CLEC16A: variants seen among roughly 807,000 people sequenced by gnomAD.
The protein encoded by CLEC16A is C-type lectin domain containing 16A.
CLEC16A carries 51 observed loss-of-function variants against 109.5 expected under a neutral mutation model. The observed-to-expected ratio is 0.47, with a 90% CI of 0.37 to 0.59. The LOEUF (loss-of-function observed/expected upper bound fraction) is 0.59. Among genes scored for constraint, CLEC16A ranks in the 20% least tolerant of loss-of-function variants. The pLI is 0.00. For synonymous variants in CLEC16A, 673 were observed against 564.2 expected (o/e 1.19, Z -2.73); for missense variants, 1,339 against 1,394.0 (o/e 0.96, Z 0.63).
intron 1 of CLEC16A, 21 bp downstream of exon 1, chr16:10,944,818 G>T (rs1223331183): frequency 4.4e-6 from 7 of 1,580,938 alleles, no homozygotes; most frequent in East Asian, 2.3e-5. Flanking sequence ...GGGGCGTAGC[G>T]GGAGGCCTCG....
At position 10,944,716 on chromosome 16, in the gene CLEC16A, A is replaced by C. The variant is rs375443006; in HGVS notation, c.-2A>C. ...GACGAGAGACGGGTCGGGGCCGCCG[A>C]CATGTTTGGCCGCTCGCGGAGCTGG... On this transcript the variant is annotated 5_prime_UTR_variant, in exon 1 of 24. Coordinates refer to ENST00000409790, the MANE Select transcript of CLEC16A (RefSeq NM_015226.3). The C allele has an allele frequency of 3.6e-5, 58 of 1,605,116 alleles. No homozygotes were observed. The highest frequency in any genetic ancestry group is 8.4e-5 in the Admixed American group (5 of 59,398).
chr16:11,002,091 G>A (rs934391528), intron 10 of CLEC16A, among the ~76,000 whole-genome samples: 1 of 152,214 alleles, frequency 6.6e-6, no homozygotes, highest in African/African-American at 2.4e-5. Context: ...CTGGTACGTG[G>A]TTTTGAATCC....
chr16:11,043,433 A>T (rs1375888473), intron 15 of CLEC16A, among the ~76,000 whole-genome samples: 1 of 152,062 alleles, frequency 6.6e-6, no homozygotes, highest in East Asian at 1.9e-4. Context: ...AAAAGGAGTC[A>T]TGATGGCCAT....
intron 13 of CLEC16A, among the ~76,000 whole-genome samples, chr16:11,037,704 C>T (rs1389675572): frequency 2.6e-5 from 4 of 152,150 alleles, no homozygotes; most frequent in Non-Finnish European, 5.9e-5. Flanking sequence ...GCTATCCTCT[C>T]TGAAGCGGAG....
At position 11,011,206 on chromosome 16, in the gene CLEC16A, G is replaced by T. The variant is rs538504540; in HGVS notation, c.1303+7901G>T. Among the ~76,000 whole-genome samples the T allele has an allele frequency of 9.2e-5, 14 of 152,330 alleles. No homozygotes were observed. The South Asian group carries it at 2.9e-3, about 32-fold the overall frequency. ...CCCCTTAGATTTGACATTTGTTGAT[G>T]ATTCTTGCCTGGTTCAGTCACTATC... is the stretch of plus-strand genomic sequence containing the variant. On this transcript the variant is annotated intron_variant, in intron 11 of 23. Transcript: ENST00000409790.
At chr16:10,991,373 G>A (rs1253162920) in intron 10 of CLEC16A, among the ~76,000 whole-genome samples, 4 of 142,022 alleles carry the variant, frequency 2.8e-5, no homozygotes, top group Non-Finnish European at 4.5e-5. Flanking sequence ...GCAGTGAGCC[G>A]AGATCATGCC....
At position 10,989,857 on chromosome 16, in the gene CLEC16A, C is replaced by A. The variant is rs114929302; in HGVS notation, c.1071+6866C>A. On this transcript the variant is annotated intron_variant, in intron 10 of 23. Transcript: ENST00000409790. ...AGAGCATTAATCGTTGACTTAGCTC[C>A]CCTGGTCGCTGCTGCAGGGCTTTCT... Among the ~76,000 whole-genome samples, 681 of 152,308 alleles carry A rather than the reference C, an allele frequency of 4.5e-3. 5 individuals are homozygous for A. The highest frequency in any genetic ancestry group is 0.031 in the Middle Eastern group (9 of 294).
At chr16:10,964,944 G>C (rs1277393594) in intron 3 of CLEC16A, among the ~76,000 whole-genome samples, 1 of 152,182 alleles carries the variant, frequency 6.6e-6, no homozygotes, top group Non-Finnish European at 1.5e-5. Context: ...TTTCAAGTCT[G>C]TAACACAGTA....
chr16:10,951,616 T>C (rs984869700), intron 1 of CLEC16A, among the ~76,000 whole-genome samples: 1 of 152,202 alleles, frequency 6.6e-6, no homozygotes, highest in African/African-American at 2.4e-5. Context: ...GGGTCGATTG[T>C]TTCTGGGATT....
At position 11,135,907 on chromosome 16, in the gene CLEC16A, C is replaced by T. The variant is rs892056782; in HGVS notation, c.2641+9761C>T. ...GAGCTCTCCAGCCTCATCCTCCAGCCTCCTAGTCAAGCACATCTAGTGCAT... is the reference window on the plus strand; with the variant it reads ...GAGCTCTCCAGCCTCATCCTCCAGCTTCCTAGTCAAGCACATCTAGTGCAT... On this transcript the variant is annotated intron_variant, in intron 22 of 23. Transcript: ENST00000409790. Among the ~76,000 whole-genome samples the T allele has an allele frequency of 2.0e-5, 3 of 152,264 alleles. No homozygotes were observed. In the East Asian group the frequency reaches 5.8e-4, roughly 29 times the overall value.
chr16:11,072,478 C>CGA (rs140716122), intron 19 of CLEC16A, among the ~76,000 whole-genome samples: 3,515 of 151,578 alleles, frequency 0.023, 50 homozygotes, highest in Non-Finnish European at 0.033. Flanking sequence ...AAGGAAGGGA[C>CGA]GAGAGAGAGA....
rs145808941 is a variant in CLEC16A at position 11,027,029 on chromosome 16, G to A, written c.1537+2108G>A. The A allele has an allele frequency of 3.4e-4, 531 of 1,570,066 alleles. 1 individual carries two copies. In the African/African-American group the frequency reaches 5.4e-3, roughly 16 times the overall value. On this transcript the variant is annotated intron_variant, in intron 13 of 23. Transcript: ENST00000409790. Reference sequence around the variant, plus strand: ...GTAGCTGCACCACTAGAAAGATGGCGGAGGAAGAGCAAAGAAAAATCCCTT... The same window carrying A: ...GTAGCTGCACCACTAGAAAGATGGCAGAGGAAGAGCAAAGAAAAATCCCTT...
intron 19 of CLEC16A, among the ~76,000 whole-genome samples, chr16:11,092,512 C>A (rs1358909138): frequency 2.0e-5 from 3 of 152,142 alleles, no homozygotes; most frequent in African/African-American, 7.2e-5. Flanking sequence ...CCACTGCACT[C>A]CAGCCTGGCT....
chr16:11,027,052 C>T (rs1472279657), intron 13 of CLEC16A: 3 of 1,560,024 alleles, frequency 1.9e-6, no homozygotes, highest in Non-Finnish European at 1.8e-6. Context: ...AGAAAAATCC[C>T]TTTGGTTCCA....
intron 21 of CLEC16A, 88 bp downstream of exon 21, chr16:11,124,034 C>T (rs777643396): frequency 8.3e-5 from 99 of 1,185,854 alleles, no homozygotes; most frequent in Non-Finnish European, 1.1e-4. Flanking sequence ...TGAGAACCCC[C>T]ATAGCATAGA....
At chr16:11,147,474 G>C (rs946923203) in intron 22 of CLEC16A, among the ~76,000 whole-genome samples, 1 of 152,242 alleles carries the variant, frequency 6.6e-6, no homozygotes, top group African/African-American at 2.4e-5. Context: ...TGGAGGGCAA[G>C]GTTCTCTGAA....
At chr16:11,015,249 G>A (rs1395745436) in intron 11 of CLEC16A, among the ~76,000 whole-genome samples, 1 of 152,136 alleles carries the variant, frequency 6.6e-6, no homozygotes, top group Non-Finnish European at 1.5e-5. Flanking sequence ...GCGCACAGGT[G>A]TCACAGCCAG....
chr16:10,965,845 C>T (rs1453793113), intron 3 of CLEC16A, among the ~76,000 whole-genome samples: 1 of 152,200 alleles, frequency 6.6e-6, no homozygotes, highest in African/African-American at 2.4e-5. Flanking sequence ...TCTTGGAGGC[C>T]CTGGAAAAGT....
chr16:11,095,578 G>A (rs977217463), intron 19 of CLEC16A, among the ~76,000 whole-genome samples: 5 of 152,146 alleles, frequency 3.3e-5, no homozygotes, highest in Admixed American at 2.6e-4. Flanking sequence ...TTGGGAGGCC[G>A]AGGCAGGCAG....
Sources: allele counts gnomAD v4.1 joint callset (sites outside exome capture counted in the v4.1 genomes callset), GRCh38; gene constraint gnomAD v4.1.1; transcripts MANE v1.5; gene names NCBI Gene and HGNC (gene_info 2026-07-23, HGNC 2026-07-21).